Variants in COL25A1 observed in about 807,000 individuals in gnomAD.
COL25A1 encodes the protein collagen type XXV alpha 1 chain.
A neutral mutation model predicts 128.4 loss-of-function variants in COL25A1; 103 were observed. The observed-to-expected ratio is 0.80, with a 90% CI of 0.68 to 0.94. The LOEUF is 0.94. COL25A1 is among the 40% of genes least tolerant of loss of function. COL25A1 has a pLI of 0.00. For synonymous variants in COL25A1, 279 were observed against 277.2 expected, an observed-to-expected ratio of 1.01 and a Z score of -0.06; for missense variants, 745 against 840.0, an observed-to-expected ratio of 0.89 and a Z score of 1.40.
chr4:108,967,559 CATAG>C (rs1406428555), intron 8 of COL25A1, among the ~76,000 whole-genome samples: 1 of 152,096 alleles, frequency 6.6e-6, no homozygotes, highest in Non-Finnish European at 1.5e-5. Context: ...TGATCATAAT[CATAG>C]ATAGTGGTAG....
chr4:109,243,218 G>C (rs533755438), intron 3 of COL25A1, among the ~76,000 whole-genome samples: 1 of 152,132 alleles, frequency 6.6e-6, no homozygotes, highest in South Asian at 2.1e-4. Flanking sequence ...GCAAATAGGA[G>C]TTAAAAAGAG....
intron 16 of COL25A1, among the ~76,000 whole-genome samples, chr4:108,892,296 T>A (rs1395145312): frequency 6.6e-6 from 1 of 152,224 alleles, no homozygotes; most frequent in Non-Finnish European, 1.5e-5. Context: ...ATACTTGAGA[T>A]AAATGAATTT....
chr4:108,908,075 T>G (rs900146485), intron 13 of COL25A1, among the ~76,000 whole-genome samples: 2 of 152,214 alleles, frequency 1.3e-5, no homozygotes, highest in African/African-American at 2.4e-5. Flanking sequence ...TGTTCATTCT[T>G]TATTTCTTAG....
At chr4:109,073,610 T>G (rs992903776) in intron 3 of COL25A1, among the ~76,000 whole-genome samples, 4 of 152,242 alleles carry the variant, frequency 2.6e-5, no homozygotes, top group African/African-American at 4.8e-5. Context: ...TTCATCTGTT[T>G]GTGTGGTCTA....
intron 3 of COL25A1, among the ~76,000 whole-genome samples, chr4:109,107,567 A>C (rs1766564514): frequency 6.6e-6 from 1 of 152,178 alleles, no homozygotes. Context: ...GAAATGCTGG[A>C]GGTGAGGAGA....
intron 3 of COL25A1, among the ~76,000 whole-genome samples, chr4:109,148,606 C>T (rs1771178478): frequency 6.6e-6 from 1 of 152,158 alleles, no homozygotes; most frequent in Admixed American, 6.6e-5. Flanking sequence ...TATCTCACTG[C>T]CACTAGTCTT....
rs1158394651 is a variant in COL25A1, at chr4:108,905,850, CG to C, written c.781-4679del. 4.4e-3 allele frequency among the ~76,000 whole-genome samples: 549 copies of C among 124,386 alleles called. 4 individuals are homozygous for C. The highest frequency in any genetic ancestry group is 0.019 in the African/African-American group (506 of 27,210). 81.6% of individuals were successfully genotyped at this position (124,386 alleles called of 152,430 possible). On this transcript the variant is annotated intron_variant, in intron 13 of 37. Transcript: ENST00000399132. ...ACTCTGCCAAGCTGGAGCAGTATGT[CG>C]GGGGGGGGTGCGGGGGGAGGCGTGG...
chr4:108,889,140 G>T (rs1741161083), intron 18 of COL25A1, 81 bp downstream of exon 18: 1 of 1,199,898 alleles, frequency 8.3e-7, no homozygotes, highest in Non-Finnish European at 1.2e-6. Context: ...TGTAATAATT[G>T]TTTTCATATT....
intron 34 of COL25A1, among the ~76,000 whole-genome samples, chr4:108,824,680 T>C (rs187484479): frequency 3.3e-5 from 5 of 152,238 alleles, no homozygotes; most frequent in East Asian, 1.9e-4. Context: ...AGTATTACTT[T>C]TGGTATTCTC....
Position 109,301,922 on chromosome 4 carries a change from G to A in COL25A1, c.98C>T (p.Pro33Leu), listed in dbSNP as rs565780101. Reference protein sequence around the residue: ...AEQHCARTMPPCAVLAALLSV... With the variant: ...AEQHCARTMPLCAVLAALLSV... ...CAGGAGGGCCGCCAGGACGGCACAC[G>A]GGGGCATGGTCCGGGCACAATGCTG... Residue 33 changes from proline to leucine, a missense_variant, in exon 2 of 38, where the codon CCG becomes CTG. Physicochemically the swap from Pro to Leu is moderately conservative, Grantham distance 98 (BLOSUM62 -3). This residue lies in a region of COL25A1 where 319 missense variants were observed against 324.9 expected (regional missense o/e 0.98). Transcript: ENST00000399132. The A allele has an allele frequency of 2.6e-5, 42 of 1,613,902 alleles. No individual in the cohort carries two copies. Among genetic ancestry groups the A allele is most frequent in the Non-Finnish European group, 3.4e-5 (40 of 1,180,046 alleles).
intron 34 of COL25A1, 99 bp downstream of exon 34, chr4:108,825,097 A>G (rs997359215): frequency 7.8e-6 from 7 of 896,658 alleles, no homozygotes; most frequent in South Asian, 2.8e-5. Flanking sequence ...ATGCATACCT[A>G]TATGCACAGA....
intron 11 of COL25A1, among the ~76,000 whole-genome samples, chr4:108,928,590 G>A (rs904696694): frequency 3.9e-5 from 6 of 152,042 alleles, no homozygotes; most frequent in Non-Finnish European, 7.4e-5. Context: ...AGGCTGGAGT[G>A]CAGTGGCATG....
In COL25A1 at chr4:108,819,287, G is replaced by A; in HGVS notation, c.1888C>T (p.Pro630Ser). The A allele has an allele frequency of 6.2e-7, 1 of 1,613,292 alleles. No individual in the cohort carries two copies. Among genetic ancestry groups the A allele is most frequent in the Non-Finnish European group, 8.5e-7 (1 of 1,179,686 alleles). ...VKGEKGEPGQ[P>S]GLDGLDAPCQ... Reference sequence around the variant, plus strand: ...GGGGCATCCAGCCCATCCAGGCCAGGCTGGCCTGGCTCCCCTTTTTCCCCC... The same window carrying A: ...GGGGCATCCAGCCCATCCAGGCCAGACTGGCCTGGCTCCCCTTTTTCCCCC... The change falls in exon 36 of 38, where the codon CCT (proline) becomes TCT (serine). Residue 630 changes from proline to serine, a missense_variant. This residue lies in a region of COL25A1 where 387 missense variants were observed against 441.9 expected (regional missense o/e 0.88). Coordinates refer to ENST00000399132, the MANE Select transcript of COL25A1 (RefSeq NM_198721.4).
At chr4:109,216,328 AG>A (rs1182815098) in intron 3 of COL25A1, among the ~76,000 whole-genome samples, 2 of 151,454 alleles carry the variant, frequency 1.3e-5, no homozygotes, top group Non-Finnish European at 2.9e-5. Context: ...GAAGGAAGGA[AG>A]GGGGGGCAGT....
chr4:109,239,394 G>GTGTATATA (rs1491198097), intron 3 of COL25A1, among the ~76,000 whole-genome samples: 2 of 116,580 alleles, frequency 1.7e-5, no homozygotes, highest in African/African-American at 7.5e-5. Context: ...GTGTGTGTGT[G>GTGTATATA]TATATATATA....
chr4:109,057,606 T>C (rs1273872498), intron 3 of COL25A1, among the ~76,000 whole-genome samples: 1 of 151,790 alleles, frequency 6.6e-6, no homozygotes, highest in Non-Finnish European at 1.5e-5. Flanking sequence ...AGTGAAAATT[T>C]TAACAATTGC....
In COL25A1 at chr4:109,165,179, A is replaced by C. The variant is rs1772955255; in HGVS notation, c.368-115000T>G. Reference sequence around the variant, plus strand: ...AATTTAGGTTGTAAGCTTAATAGTTAATAATCAGGAAAGGGCGATTTAAAT... The same window carrying C: ...AATTTAGGTTGTAAGCTTAATAGTTCATAATCAGGAAAGGGCGATTTAAAT... On this transcript the variant is annotated intron_variant, in intron 3 of 37. Coordinates refer to ENST00000399132, the MANE Select transcript of COL25A1 (RefSeq NM_198721.4). Among the ~76,000 whole-genome samples the C allele has an allele frequency of 7.2e-5, 11 of 152,212 alleles. No individual in the cohort carries two copies. The South Asian group carries it at 2.3e-3, about 32-fold the overall frequency.
At chr4:109,111,424 C>T (rs1042292394) in intron 3 of COL25A1, among the ~76,000 whole-genome samples, 23 of 152,278 alleles carry the variant, frequency 1.5e-4, no homozygotes, top group African/African-American at 3.6e-4. Context: ...CAAATTCTTC[C>T]ATTCACAACC....
chr4:108,898,025 T>A (rs1742351261), intron 15 of COL25A1, among the ~76,000 whole-genome samples: 1 of 152,194 alleles, frequency 6.6e-6, no homozygotes, highest in Non-Finnish European at 1.5e-5. Flanking sequence ...TTAATTACCA[T>A]GAACTGATTG....
Sources: gnomAD v4.1 joint callset for allele counts (sites outside exome capture counted in the v4.1 genomes callset) on GRCh38, gnomAD v4.1.1 for gene constraint, gnomAD v4.1.1 regional missense constraint, MANE v1.5 for transcripts, NCBI Gene and HGNC (gene_info 2026-07-23, HGNC 2026-07-21) for gene names.